Variants in CTNNA2 observed in about 807,000 individuals in gnomAD.
The protein encoded by CTNNA2 is catenin alpha 2, also known as catenin alpha-2.
A neutral mutation model predicts 101.0 loss-of-function variants in CTNNA2; 42 were observed. The ratio of observed to expected loss-of-function variants is 0.42; its 90% CI spans 0.32 to 0.54. The LOEUF is 0.54. Among genes scored for constraint, CTNNA2 ranks in the 20% least tolerant of loss-of-function variants. CTNNA2 has a pLI of 0.14. For missense variants in CTNNA2, 871 were observed against 1,223.1 expected (o/e 0.71, Z 4.29); for synonymous variants, 450 against 456.4 (o/e 0.99, Z 0.18).
chr2:79,691,643 A>ACT (rs1363646862), intron 2 of CTNNA2, among the ~76,000 whole-genome samples: 1 of 152,178 alleles, frequency 6.6e-6, no homozygotes, highest in Non-Finnish European at 1.5e-5. Context: ...GGCTACAGTA[A>ACT]CCAAAACAGC....
intron 2 of CTNNA2, among the ~76,000 whole-genome samples, chr2:79,285,808 T>G (rs988560523): frequency 2.0e-5 from 3 of 147,296 alleles, no homozygotes; most frequent in African/African-American, 7.7e-5. Flanking sequence ...CTGGGTATCC[T>G]TGTTAACTTT....
At chr2:79,428,818 T>G (rs984235347) in intron 4 of CTNNA2, among the ~76,000 whole-genome samples, 1 of 152,126 alleles carries the variant, frequency 6.6e-6, no homozygotes, top group African/African-American at 2.4e-5. Flanking sequence ...CCAATAGACA[T>G]TACACTAATC....
At chr2:80,613,624 G>T (rs1279489601) in intron 17 of CTNNA2, among the ~76,000 whole-genome samples, 1 of 150,918 alleles carries the variant, frequency 6.6e-6, no homozygotes, top group Non-Finnish European at 1.5e-5. Flanking sequence ...ATCAGTTATG[G>T]CCATTAAAAA....
chr2:79,729,568 A>AATAT (rs1687074868), intron 2 of CTNNA2, among the ~76,000 whole-genome samples: 1 of 152,162 alleles, frequency 6.6e-6, no homozygotes, highest in Admixed American at 6.5e-5. Context: ...AAAAAGAAAT[A>AATAT]ATATCCTGAA....
intron 7 of CTNNA2, among the ~76,000 whole-genome samples, chr2:79,914,075 G>A (rs1195913116): frequency 1.3e-5 from 2 of 149,406 alleles, no homozygotes; most frequent in Non-Finnish European, 3.0e-5. Flanking sequence ...GCTGAGGCAG[G>A]AGAATGGCGT....
intron 6 of CTNNA2, among the ~76,000 whole-genome samples, chr2:79,879,982 A>C (rs571656011): frequency 6.6e-6 from 1 of 152,130 alleles, no homozygotes; most frequent in Admixed American, 6.5e-5. Flanking sequence ...TGTTATTTTG[A>C]GGTATGTTCC....
intron 7 of CTNNA2, among the ~76,000 whole-genome samples, chr2:80,075,521 C>CA (rs909471263): frequency 7.0e-6 from 1 of 142,048 alleles, no homozygotes; most frequent in South Asian, 2.2e-4. Context: ...ACATAGTCAT[C>CA]AAAAAATAAC....
intron 1 of CTNNA2, among the ~76,000 whole-genome samples, chr2:79,618,361 CT>C (rs1678773350): frequency 6.6e-6 from 1 of 152,136 alleles, no homozygotes; most frequent in African/African-American, 2.4e-5. Context: ...AAGCACTTCT[CT>C]TTCTATGATA....
intron 3 of CTNNA2, among the ~76,000 whole-genome samples, chr2:79,796,216 A>T (rs920357269): frequency 6.6e-5 from 10 of 152,208 alleles, no homozygotes; most frequent in African/African-American, 2.4e-4. Context: ...AAAATTAGAT[A>T]TCCAATCTTT....
intron 7 of CTNNA2, among the ~76,000 whole-genome samples, chr2:80,262,671 T>C (rs1185199144): frequency 6.6e-6 from 1 of 152,152 alleles, no homozygotes; most frequent in Non-Finnish European, 1.5e-5. Flanking sequence ...GGGGCTGTTT[T>C]CTTGTTTGTG....
intron 7 of CTNNA2, among the ~76,000 whole-genome samples, chr2:79,914,941 G>C (rs889407689): frequency 5.9e-5 from 9 of 151,834 alleles, no homozygotes; most frequent in African/African-American, 2.2e-4. Context: ...CTTTGTTAGA[G>C]AGTAGAATTT....
intron 9 of CTNNA2, among the ~76,000 whole-genome samples, chr2:80,516,708 A>G (rs546749388): frequency 6.6e-6 from 1 of 152,330 alleles, no homozygotes; most frequent in African/African-American, 2.4e-5. Context: ...AGTCCTGATC[A>G]TCTATGTTTA....
At chr2:79,995,734 AC>A (rs1464012869) in intron 7 of CTNNA2, among the ~76,000 whole-genome samples, 2 of 152,076 alleles carry the variant, frequency 1.3e-5, no homozygotes, top group African/African-American at 4.8e-5. Context: ...GATCCTTTGA[AC>A]CCAGGAGGTT....
chr2:79,365,645 G>GAA (rs891233672), intron 3 of CTNNA2, among the ~76,000 whole-genome samples: 1 of 137,982 alleles, frequency 7.2e-6, no homozygotes, highest in Non-Finnish European at 1.6e-5. Flanking sequence ...GGAGAAAAAG[G>GAA]AAAAAAAAAA....
intron 1 of CTNNA2, among the ~76,000 whole-genome samples, chr2:79,520,995 G>C (rs1048429242): frequency 7.9e-5 from 12 of 151,180 alleles, no homozygotes; most frequent in African/African-American, 2.9e-4. Context: ...AAGGACTTTT[G>C]CATGAAAATT....
intron 7 of CTNNA2, among the ~76,000 whole-genome samples, chr2:80,306,418 T>TTCTA (rs1676994515): frequency 6.8e-6 from 1 of 146,292 alleles, no homozygotes; most frequent in Admixed American, 7.1e-5. Context: ...CTTTCTTTCT[T>TTCTA]TCTTTCTTTC....
chr2:79,501,673 T>G, intron 4 of CTNNA2, among the ~76,000 whole-genome samples: 1 of 152,200 alleles, frequency 6.6e-6, no homozygotes. Context: ...AAATATTTGC[T>G]CATTTATTGT....
chr2:80,544,065 T>G (rs7605261), intron 9 of CTNNA2, among the ~76,000 whole-genome samples: 66,282 of 151,906 alleles, frequency 0.44, 14,663 homozygotes, highest in South Asian at 0.56. Flanking sequence ...CAACTCTCCT[T>G]CAAGAGAAGG....
At chr2:80,531,243 C>A (rs1427580583) in intron 9 of CTNNA2, among the ~76,000 whole-genome samples, 1 of 152,196 alleles carries the variant, frequency 6.6e-6, no homozygotes, top group Non-Finnish European at 1.5e-5. Context: ...CCCAGGACTT[C>A]TCCTTCGGGC....
Sources: allele counts gnomAD v4.1 joint callset (sites outside exome capture counted in the v4.1 genomes callset), GRCh38; gene constraint gnomAD v4.1.1; transcripts MANE v1.5; gene names NCBI Gene and HGNC (gene_info 2026-07-23, HGNC 2026-07-21).